Variants in SF3A2 observed in about 807,000 individuals in gnomAD.
SF3A2 encodes splicing factor 3a subunit 2, also known as SAP 62.
In SF3A2, 5 loss-of-function variants were observed where a neutral mutation model predicts 31.1. The observed-to-expected ratio is 0.16, with a 90% CI of 0.08 to 0.34. The LOEUF (loss-of-function observed/expected upper bound fraction) is 0.34. SF3A2 is among the 10% of genes least tolerant of loss of function. SF3A2 has a pLI of 1.00. For synonymous variants in SF3A2, 365 were observed against 263.7 expected, an observed-to-expected ratio of 1.38 and a Z score of -3.72; for missense variants, 577 against 643.9, an observed-to-expected ratio of 0.90 and a Z score of 1.13.
At chr19:2,244,070 G>A (rs1340564466) in intron 2 of SF3A2, among the ~76,000 whole-genome samples, 1 of 152,220 alleles carries the variant, frequency 6.6e-6, no homozygotes, top group East Asian at 1.9e-4. Flanking sequence ...CAGCGTCTGA[G>A]ACGAGATGTG....
Position 2,245,267 on chromosome 19 carries a change from G to A in SF3A2, c.246-179G>A, listed in dbSNP as rs2024922056. ...GACAGTGAGGAGCATGACAGGAAGA[G>A]AACATGCCTGTCCTATCCCTGTCCT... On this transcript the variant is annotated intron_variant, in intron 4 of 8. Transcript: ENST00000221494. The surrounding 1 kb of genome is among the most constrained non-coding windows in gnomAD (Gnocchi z 4.2). 1 of 581,246 alleles carries A rather than the reference G, an allele frequency of 1.7e-6. No homozygotes were observed. The highest frequency in any genetic ancestry group is 3.1e-5 in the Admixed American group (1 of 32,634). The allele number at this position is 581,246 out of a possible 1,614,324, so 36.0% of individuals were successfully genotyped here.
intron 1 of SF3A2, among the ~76,000 whole-genome samples, chr19:2,239,210 T>C (rs1568387611): frequency 6.6e-6 from 1 of 152,064 alleles, no homozygotes; most frequent in Non-Finnish European, 1.5e-5. Context: ...ACTAAAAATA[T>C]AAAAATTTGC....
At chr19:2,238,444 T>C (rs1210582809) in intron 1 of SF3A2, among the ~76,000 whole-genome samples, 2 of 152,154 alleles carry the variant, frequency 1.3e-5, no homozygotes, top group African/African-American at 4.8e-5. Context: ...CATCTGCTGA[T>C]TTCTTGTCAC....
chr19:2,244,815 C>T (rs2024918635), intron 4 of SF3A2, 36 bp downstream of exon 4: 3 of 1,599,204 alleles, frequency 1.9e-6, no homozygotes, highest in African/African-American at 1.3e-5. Flanking sequence ...CCTGGTGCTC[C>T]AGCAGCCGTT....
intron 3 of SF3A2, 55 bp downstream of exon 3, chr19:2,244,670 AG>A: frequency 6.2e-7 from 1 of 1,610,854 alleles, no homozygotes; most frequent in East Asian, 2.2e-5. Context: ...GGCTGACGTC[AG>A]GGGGACCTGC....
rs774728118 is a variant in SF3A2 at position 2,247,943 on chromosome 19, G to A, written c.792G>A (p.Met264Ile). ...PPPGGLPLPP[M>I]PPTGPAPSGP... ...CAGGAGGCCTGCCTCTGCCACCCATGCCCCCCACAGGGCCTGCGCCCTCAG... is the reference window on the plus strand; with the variant it reads ...CAGGAGGCCTGCCTCTGCCACCCATACCCCCCACAGGGCCTGCGCCCTCAG... The change falls in exon 9 of 9, where the codon ATG (methionine) becomes ATA (isoleucine). Residue 264 changes from methionine (M) to isoleucine (I), a missense_variant. Physicochemically the swap from Met to Ile is conservative, Grantham distance 10 (BLOSUM62 1). This residue lies in a region of SF3A2 where 462 missense variants were observed against 339.1 expected (regional missense o/e 1.36). Coordinates refer to ENST00000221494, the MANE Select transcript of SF3A2 (RefSeq NM_007165.5). 2.1e-6 allele frequency: 3 copies of A among 1,457,412 alleles called. No individual in the cohort carries two copies. Among genetic ancestry groups the A allele is most frequent in the Non-Finnish European group, 1.9e-6 (2 of 1,063,690 alleles). 90.3% of individuals were successfully genotyped at this position (1,457,412 alleles called of 1,614,324 possible). A position where few individuals can be genotyped will look rare whatever the true frequency, so the allele number is the denominator to read the frequency against.
At position 2,248,376 on chromosome 19, in the gene SF3A2, C is replaced by G; in HGVS notation, c.1225C>G (p.Pro409Ala). ...GMHPQAPGVH[P>A]QPPGVHPSAP... ...GCACCCTCAGGCCCCGGGGGTCCAC[C>G]CCCAACCTCCCGGGGTCCATCCGTC... The change falls in exon 9 of 9, where the codon CCC becomes GCC. Residue 409 changes from proline (P) to alanine (A), a missense_variant. Physicochemically the swap from Pro to Ala is conservative, Grantham distance 27. Coordinates refer to ENST00000221494, the MANE Select transcript of SF3A2 (RefSeq NM_007165.5). 1 of 1,384,874 alleles carries G rather than the reference C, an allele frequency of 7.2e-7. No individual in the cohort carries two copies. The highest frequency in any genetic ancestry group is 1.7e-5 in the South Asian group (1 of 58,086). The allele number at this position is 1,384,874 out of a possible 1,614,324, so 85.8% of individuals were successfully genotyped here. A position where few individuals can be genotyped will look rare whatever the true frequency, so the allele number is the denominator to read the frequency against.
chr19:2,241,594 A>G (rs1400896914), intron 1 of SF3A2, among the ~76,000 whole-genome samples: 1 of 152,200 alleles, frequency 6.6e-6, no homozygotes, highest in East Asian at 1.9e-4. Flanking sequence ...TTGTGGCAGC[A>G]GGGACTGTAG....
chr19:2,237,787 AC>A (rs1397672910), intron 1 of SF3A2: 2 of 152,174 alleles, frequency 1.3e-5, no homozygotes, highest in Non-Finnish European at 2.9e-5. Flanking sequence ...GCCAAAGGCG[AC>A]CAGAACACGT....
At chr19:2,244,269 A>G (rs966048400) in intron 2 of SF3A2, among the ~76,000 whole-genome samples, 3 of 151,642 alleles carry the variant, frequency 2.0e-5, no homozygotes, top group Admixed American at 6.6e-5. Context: ...CCTCTGACTC[A>G]GAACCACCAG....
intron 1 of SF3A2, among the ~76,000 whole-genome samples, chr19:2,239,908 T>A (rs73516539): frequency 0.064 from 9,812 of 152,248 alleles, 663 homozygotes; most frequent in African/African-American, 0.17. Flanking sequence ...GTTCTGGGTT[T>A]GTGGTGCAGT....
chr19:2,244,813 T>A (rs766437413), intron 4 of SF3A2, 34 bp downstream of exon 4: 10 of 1,601,642 alleles, frequency 6.2e-6, no homozygotes, highest in Non-Finnish European at 6.8e-6. Flanking sequence ...TGCCTGGTGC[T>A]CCAGCAGCCG....
intron 1 of SF3A2, among the ~76,000 whole-genome samples, chr19:2,239,254 A>C (rs1162135401): frequency 6.6e-6 from 1 of 151,290 alleles, no homozygotes; most frequent in Non-Finnish European, 1.5e-5. Flanking sequence ...AATCTCAGCT[A>C]CTCGGGAGGC....
intron 1 of SF3A2, among the ~76,000 whole-genome samples, chr19:2,242,675 G>A (rs756157947): frequency 6.6e-6 from 1 of 152,226 alleles, no homozygotes; most frequent in African/African-American, 2.4e-5. Flanking sequence ...ACATTGAGCA[G>A]GCAAGGGAAA....
intron 1 of SF3A2, chr19:2,237,722 G>A (rs1004669084): frequency 1.3e-5 from 2 of 152,228 alleles, no homozygotes; most frequent in African/African-American, 4.8e-5. Flanking sequence ...GCTCTGTGAT[G>A]TAATTCCTGT....
At position 2,245,187 on chromosome 19, in the gene SF3A2, T is replaced by C. The variant is rs1460824789; in HGVS notation, c.246-259T>C. Reference sequence around the variant, plus strand: ...CGACAGAGTGAGACTCTTGTCTTATTAAAAAAAAAAAAAAAGAGCAGAGGC... The same window carrying C: ...CGACAGAGTGAGACTCTTGTCTTATCAAAAAAAAAAAAAAAGAGCAGAGGC... On this transcript the variant is annotated intron_variant, in intron 4 of 8. Transcript: ENST00000221494. The surrounding 1 kb of genome is among the most constrained non-coding windows in gnomAD (Gnocchi z 4.2). The C allele has an allele frequency of 2.7e-6, 1 of 370,462 alleles. No individual in the cohort carries two copies. Among genetic ancestry groups the C allele is most frequent in the Non-Finnish European group, 4.8e-6 (1 of 207,798 alleles). 22.9% of individuals were successfully genotyped at this position (370,462 alleles called of 1,614,324 possible). A position where few individuals can be genotyped will look rare whatever the true frequency, so the allele number is the denominator to read the frequency against.
At chr19:2,244,819 A>G in intron 4 of SF3A2, 40 bp downstream of exon 4, 1 of 1,594,088 alleles carries the variant, frequency 6.3e-7, no homozygotes, top group Non-Finnish European at 8.6e-7. Context: ...GTGCTCCAGC[A>G]GCCGTTGGCT....
intron 1 of SF3A2, among the ~76,000 whole-genome samples, chr19:2,240,011 G>A (rs1242702162): frequency 6.6e-6 from 1 of 152,212 alleles, no homozygotes; most frequent in East Asian, 1.9e-4. Context: ...TTCTCTTTAA[G>A]AACAAAGCGG....
intron 7 of SF3A2, 100 bp downstream of exon 7, chr19:2,247,122 C>T (rs2024942849): frequency 6.7e-7 from 1 of 1,487,644 alleles, no homozygotes; most frequent in Non-Finnish European, 8.9e-7. Context: ...GCTTGGGGTC[C>T]CCTGGGCCCC....
Sources: gnomAD v4.1 joint callset for allele counts (sites outside exome capture counted in the v4.1 genomes callset) on GRCh38, gnomAD v4.1.1 for gene constraint, gnomAD v4.1.1 regional missense constraint, Gnocchi (gnomAD v3.1) non-coding constraint, MANE v1.5 for transcripts, NCBI Gene and HGNC (gene_info 2026-07-23, HGNC 2026-07-21) for gene names.